Variants in MLIP observed in about 807,000 individuals in gnomAD.
MLIP encodes the protein muscular LMNA-interacting protein.
In MLIP, 79 loss-of-function variants were observed where a neutral mutation model predicts 84.8. The observed-to-expected ratio is 0.93, with a 90% confidence interval of 0.78 to 1.12. The LOEUF (loss-of-function observed/expected upper bound fraction) is 1.12, where lower values mean the gene tolerates loss of function less well. Ranked by LOEUF, MLIP falls within the 50% of genes most tolerant of loss-of-function variation. MLIP has a pLI of 0.00. For synonymous variants in MLIP, 504 were observed against 463.0 expected (o/e 1.09, Z -1.14); for missense variants, 1,257 against 1,160.6 (o/e 1.08, Z -1.21).
chr6:54,128,592 G>C (rs904115672), intron 3 of MLIP, among the ~76,000 whole-genome samples: 1 of 152,068 alleles, frequency 6.6e-6, no homozygotes, highest in African/African-American at 2.4e-5. Flanking sequence ...GAGGTCATTT[G>C]GTGACCTTGG....
chr6:54,025,084 G>A (rs1421001689), intron 1 of MLIP, among the ~76,000 whole-genome samples: 1 of 151,512 alleles, frequency 6.6e-6, no homozygotes, highest in African/African-American at 2.4e-5. Flanking sequence ...CCTGGGCTCA[G>A]GCACTCTGCC....
intron 12 of MLIP, among the ~76,000 whole-genome samples, chr6:54,254,748 C>T (rs891439591): frequency 3.5e-5 from 5 of 143,844 alleles, no homozygotes; most frequent in Non-Finnish European, 6.0e-5. Context: ...CCCTCCCTTC[C>T]TTCCTTCCTT....
intron 9 of MLIP, among the ~76,000 whole-genome samples, chr6:54,170,003 C>A (rs1294586664): frequency 6.6e-6 from 1 of 151,628 alleles, no homozygotes; most frequent in Non-Finnish European, 1.5e-5. Context: ...AAATTATTAA[C>A]AAATAAACCA....
At chr6:54,050,263 A>G (rs1034634589) in intron 1 of MLIP, among the ~76,000 whole-genome samples, 1 of 152,124 alleles carries the variant, frequency 6.6e-6, no homozygotes, top group Non-Finnish European at 1.5e-5. Context: ...AAGCACAAAT[A>G]ATCAATGGAA....
intron 1 of MLIP, among the ~76,000 whole-genome samples, chr6:54,038,064 G>A (rs900113669): frequency 6.6e-6 from 1 of 151,806 alleles, no homozygotes; most frequent in Admixed American, 6.6e-5. Context: ...GTTTTACCAC[G>A]GGTAGGATCA....
chr6:54,120,556 A>G (rs1770361633), intron 1 of MLIP, among the ~76,000 whole-genome samples: 2 of 151,974 alleles, frequency 1.3e-5, no homozygotes, highest in South Asian at 4.2e-4. Context: ...GACTTTTAAA[A>G]CTAGATTTTA....
At chr6:54,171,904 A>G (rs1775807128) in intron 9 of MLIP, among the ~76,000 whole-genome samples, 1 of 151,596 alleles carries the variant, frequency 6.6e-6, no homozygotes, top group Admixed American at 6.6e-5. Context: ...ATATTTCATC[A>G]TCTGTCTTCA....
chr6:54,251,215 A>G (rs1023010111), intron 12 of MLIP, among the ~76,000 whole-genome samples: 8 of 151,714 alleles, frequency 5.3e-5, no homozygotes, highest in African/African-American at 1.7e-4. Flanking sequence ...TTATACAAAG[A>G]TATTGGCAAT....
At chr6:54,153,452 A>G (rs1485771891) in intron 5 of MLIP, among the ~76,000 whole-genome samples, 1 of 152,036 alleles carries the variant, frequency 6.6e-6, no homozygotes, top group Non-Finnish European at 1.5e-5. Flanking sequence ...CAGGTACACA[A>G]CACCACACCC....
chr6:54,212,592 C>T (rs948987321), intron 11 of MLIP, among the ~76,000 whole-genome samples: 3 of 152,130 alleles, frequency 2.0e-5, no homozygotes, highest in African/African-American at 7.2e-5. Flanking sequence ...TGCCCCCGCC[C>T]CTGCAATTTG....
chr6:54,247,729 C>T (rs1333821000), intron 12 of MLIP, among the ~76,000 whole-genome samples: 1 of 152,120 alleles, frequency 6.6e-6, no homozygotes, highest in Non-Finnish European at 1.5e-5. Flanking sequence ...TATAGACATA[C>T]AGTCCTTAGC....
intron 8 of MLIP, among the ~76,000 whole-genome samples, chr6:54,168,853 CTTTTT>C (rs3996971): frequency 6.3e-4 from 75 of 118,820 alleles, no homozygotes; most frequent in African/African-American, 1.9e-3. Context: ...GGGTTGAGGT[CTTTTT>C]TTTTTTTTTT....
chr6:54,099,589 C>A (rs751932344), intron 1 of MLIP: 2 of 152,104 alleles, frequency 1.3e-5, no homozygotes, highest in Non-Finnish European at 2.9e-5. Flanking sequence ...GCCTGCTCAG[C>A]GTCTCTAACC....
intron 1 of MLIP, among the ~76,000 whole-genome samples, chr6:54,078,417 C>A (rs975982552): frequency 3.3e-5 from 5 of 152,058 alleles, no homozygotes; most frequent in Non-Finnish European, 7.4e-5. Flanking sequence ...TGTAGTGAAA[C>A]CCTGTCTCTA....
At chr6:54,173,124 A>G (rs761303954) in intron 9 of MLIP, among the ~76,000 whole-genome samples, 1 of 151,806 alleles carries the variant, frequency 6.6e-6, no homozygotes, top group South Asian at 2.1e-4. Flanking sequence ...TCTCATTTAA[A>G]CCATATATCA....
At chr6:54,241,260 T>C (rs1042794917) in intron 12 of MLIP, among the ~76,000 whole-genome samples, 1 of 149,064 alleles carries the variant, frequency 6.7e-6, no homozygotes, top group Non-Finnish European at 1.5e-5. Flanking sequence ...TCCTAGTAAG[T>C]AAAAGGAAAC....
intron 8 of MLIP, among the ~76,000 whole-genome samples, chr6:54,166,528 T>G (rs1212699227): frequency 6.6e-6 from 1 of 151,886 alleles, no homozygotes; most frequent in African/African-American, 2.4e-5. Context: ...TTGATATATT[T>G]TCCTCTAGAG....
At chr6:54,225,183 T>A (rs1780493495) in intron 11 of MLIP, among the ~76,000 whole-genome samples, 1 of 152,202 alleles carries the variant, frequency 6.6e-6, no homozygotes, top group African/African-American at 2.4e-5. Context: ...CCATAGCAAC[T>A]GTACTAGTTA....
chr6:54,187,814 C>T (rs992009890), intron 9 of MLIP, among the ~76,000 whole-genome samples: 4 of 152,024 alleles, frequency 2.6e-5, no homozygotes, highest in African/African-American at 9.7e-5. Flanking sequence ...ACCATCCTGG[C>T]CAACATGGTG....
Sources: allele counts gnomAD v4.1 joint callset (sites outside exome capture counted in the v4.1 genomes callset), GRCh38; gene constraint gnomAD v4.1.1; transcripts MANE v1.5; gene names NCBI Gene and HGNC (gene_info 2026-07-23, HGNC 2026-07-21).